Variants in ROBO2 observed in about 807,000 individuals in gnomAD.
ROBO2 encodes roundabout homolog 2.
Under a neutral mutation model 160.8 loss-of-function variants are expected in ROBO2, and 53 were observed. The observed-to-expected ratio is 0.33, with a 90% CI of 0.26 to 0.41. The LOEUF is 0.41. ROBO2 is among the 10% of genes least tolerant of loss of function. The pLI is 1.00. For synonymous variants in ROBO2, 664 were observed against 611.7 expected (o/e 1.09, Z -1.26); for missense variants, 1,577 against 1,722.4 (o/e 0.92, Z 1.49).
chr3:77,240,559 C>T (rs1175075465), intron 2 of ROBO2, among the ~76,000 whole-genome samples: 1 of 152,178 alleles, frequency 6.6e-6, no homozygotes, highest in African/African-American at 2.4e-5. Context: ...TGAAGGGCTC[C>T]TCAAGCGTGG....
intron 24 of ROBO2, among the ~76,000 whole-genome samples, chr3:77,639,748 G>A (rs1232292896): frequency 6.6e-6 from 1 of 152,244 alleles, no homozygotes; most frequent in East Asian, 1.9e-4. Context: ...ACTGGACGGG[G>A]TGTGTATATG....
At chr3:76,541,414 G>A (rs939385093) in intron 2 of ROBO2, among the ~76,000 whole-genome samples, 17 of 152,116 alleles carry the variant, frequency 1.1e-4, no homozygotes, top group Non-Finnish European at 4.4e-5. Flanking sequence ...TTTATTCTCA[G>A]TATCAAATTT....
intron 12 of ROBO2, among the ~76,000 whole-genome samples, chr3:77,565,536 C>T (rs921732363): frequency 2.0e-5 from 3 of 152,064 alleles, no homozygotes; most frequent in African/African-American, 7.2e-5. Context: ...GTCGTTCTCA[C>T]AGTGTGGTTC....
chr3:76,822,807 G>T (rs2066237813), intron 2 of ROBO2, among the ~76,000 whole-genome samples: 1 of 151,388 alleles, frequency 6.6e-6, no homozygotes, highest in Non-Finnish European at 1.5e-5. Context: ...AGATTAAGAA[G>T]GTTTCCTGTT....
chr3:76,924,764 A>G (rs939181814), intron 2 of ROBO2, among the ~76,000 whole-genome samples: 3 of 152,254 alleles, frequency 2.0e-5, no homozygotes, highest in African/African-American at 7.2e-5. Flanking sequence ...TTCCAGCTTC[A>G]CTACCTGATT....
chr3:76,744,760 C>T (rs1024366244), intron 2 of ROBO2, among the ~76,000 whole-genome samples: 3 of 123,904 alleles, frequency 2.4e-5, no homozygotes, highest in Middle Eastern at 4.0e-3. Context: ...TAAAAAAAAT[C>T]TACTAAAAAC....
chr3:76,708,619 C>T (rs1415979751), intron 2 of ROBO2, among the ~76,000 whole-genome samples: 1 of 152,164 alleles, frequency 6.6e-6, no homozygotes, highest in African/African-American at 2.4e-5. Flanking sequence ...AAACAAAAAG[C>T]CTATCATAGG....
intron 2 of ROBO2, among the ~76,000 whole-genome samples, chr3:76,779,635 CATA>C (rs948789285): frequency 3.3e-5 from 5 of 150,968 alleles, no homozygotes; most frequent in South Asian, 4.1e-4. Context: ...TTTCACTTGG[CATA>C]ATGTCCTCAG....
intron 2 of ROBO2, among the ~76,000 whole-genome samples, chr3:76,788,042 G>A (rs1383102695): frequency 6.6e-6 from 1 of 150,762 alleles, no homozygotes; most frequent in East Asian, 2.0e-4. Context: ...AAACAAACAA[G>A]ACTTTTTTTT....
At chr3:76,149,781 ACAT>A (rs1471766974) in intron 2 of ROBO2, among the ~76,000 whole-genome samples, 41 of 143,846 alleles carry the variant, frequency 2.9e-4, no homozygotes, top group African/African-American at 9.3e-4. Flanking sequence ...TCTAAAGCAC[ACAT>A]CATCAGTCTA....
intron 2 of ROBO2, among the ~76,000 whole-genome samples, chr3:76,471,905 A>G (rs1215799837): frequency 6.6e-6 from 1 of 152,092 alleles, no homozygotes; most frequent in Non-Finnish European, 1.5e-5. Flanking sequence ...CTCATTCACT[A>G]CCATGAGAAA....
intron 2 of ROBO2, among the ~76,000 whole-genome samples, chr3:76,880,585 A>T (rs1378366124): frequency 3.3e-5 from 5 of 152,246 alleles, no homozygotes; most frequent in South Asian, 4.1e-4. Flanking sequence ...TAAAAATTTG[A>T]ATTTTTTGGA....
chr3:75,992,523 G>T (rs1253114769), intron 2 of ROBO2, among the ~76,000 whole-genome samples: 2 of 152,208 alleles, frequency 1.3e-5, no homozygotes. Context: ...TGCCCAGGCA[G>T]AAGTTTGCTG....
intron 2 of ROBO2, among the ~76,000 whole-genome samples, chr3:76,313,602 G>T (rs2071754968): frequency 7.3e-6 from 1 of 136,102 alleles, no homozygotes. Context: ...CATTTTAAAG[G>T]TTACTTTACT....
intron 2 of ROBO2, among the ~76,000 whole-genome samples, chr3:76,794,122 T>G (rs1258108592): frequency 6.6e-6 from 1 of 151,940 alleles, no homozygotes; most frequent in Non-Finnish European, 1.5e-5. Flanking sequence ...TAAAAACGTC[T>G]TATTAAAATT....
intron 2 of ROBO2, among the ~76,000 whole-genome samples, chr3:76,253,048 A>G (rs1199242809): frequency 6.6e-6 from 1 of 151,992 alleles, no homozygotes; most frequent in Non-Finnish European, 1.5e-5. Context: ...AGTTAGTCAC[A>G]TTTACAAGAG....
At chr3:77,628,438 CTCTT>C (rs2095080884) in intron 23 of ROBO2, among the ~76,000 whole-genome samples, 2 of 102,936 alleles carry the variant, frequency 1.9e-5, no homozygotes, top group South Asian at 7.6e-4. Flanking sequence ...TTCTCTCTCT[CTCTT>C]TTTGTGGGGG....
chr3:75,917,428 G>A (rs1372164404), intron 1 of ROBO2, among the ~76,000 whole-genome samples: 15 of 151,986 alleles, frequency 9.9e-5, no homozygotes, highest in African/African-American at 3.4e-4. Context: ...TTCTTCATCC[G>A]GTCTATCATT....
chr3:76,492,061 G>T (rs1298172261), intron 2 of ROBO2, among the ~76,000 whole-genome samples: 1 of 152,108 alleles, frequency 6.6e-6, no homozygotes, highest in Non-Finnish European at 1.5e-5. Flanking sequence ...AGGTTTCAAT[G>T]AGCTGAGATC....
Sources: allele counts gnomAD v4.1 joint callset (sites outside exome capture counted in the v4.1 genomes callset), GRCh38; gene constraint gnomAD v4.1.1; transcripts MANE v1.5; gene names NCBI Gene and HGNC (gene_info 2026-07-23, HGNC 2026-07-21).